Variants in CNIH3 observed in about 807,000 individuals in gnomAD.
CNIH3 encodes protein cornichon homolog 3.
CNIH3 carries 14 observed loss-of-function variants against 24.1 expected under a neutral mutation model. The observed-to-expected ratio is 0.58, with a 90% CI of 0.38 to 0.91. The LOEUF is 0.91. CNIH3 is among the 40% of genes least tolerant of loss of function. CNIH3 has a pLI of 0.00. For missense variants in CNIH3, 178 were observed against 196.8 expected, an observed-to-expected ratio of 0.90 and a Z score of 0.57; for synonymous variants, 68 against 73.8, an observed-to-expected ratio of 0.92 and a Z score of 0.40.
intron 4 of CNIH3, among the ~76,000 whole-genome samples, chr1:224,566,703 AT>A (rs1456805070): frequency 6.6e-6 from 1 of 152,082 alleles, no homozygotes; most frequent in Non-Finnish European, 1.5e-5. Context: ...TGAACTCATC[AT>A]TTTTTATGGC....
chr1:224,657,441 C>T (rs1438451024), intron 1 of CNIH3, among the ~76,000 whole-genome samples: 4 of 151,110 alleles, frequency 2.6e-5, no homozygotes, highest in African/African-American at 9.8e-5. Flanking sequence ...GAGAAATATG[C>T]CTCACATTTT....
chr1:224,572,019 AAGTCAAGT>A (rs1680839460), intron 4 of CNIH3, among the ~76,000 whole-genome samples: 1 of 152,138 alleles, frequency 6.6e-6, no homozygotes, highest in Non-Finnish European at 1.5e-5. Flanking sequence ...TTAGTGGGGC[AAGTCAAGT>A]AGGTTACCTC....
intron 4 of CNIH3, among the ~76,000 whole-genome samples, chr1:224,733,562 G>A (rs1689441405): frequency 1.3e-5 from 2 of 152,166 alleles, no homozygotes; most frequent in South Asian, 2.1e-4. Context: ...CTGAGATTCC[G>A]GATCTGCGAG....
chr1:224,645,181 T>C (rs1684542623), intron 1 of CNIH3, among the ~76,000 whole-genome samples: 2 of 152,146 alleles, frequency 1.3e-5, no homozygotes, highest in South Asian at 4.1e-4. Context: ...ACCTTATGCC[T>C]CTCCCTACCG....
chr1:224,656,447 G>A (rs147633636), intron 1 of CNIH3, among the ~76,000 whole-genome samples: 3 of 152,274 alleles, frequency 2.0e-5, no homozygotes, highest in South Asian at 2.1e-4. Flanking sequence ...TCCCACATGC[G>A]AAAAGCTAGG....
chr1:224,576,350 T>C (rs1572509657), intron 4 of CNIH3, among the ~76,000 whole-genome samples: 1 of 152,202 alleles, frequency 6.6e-6, no homozygotes. Flanking sequence ...AAGAGTCAAA[T>C]AGTAAAAGCG....
rs1017155062 is a variant in CNIH3 at position 224,527,011 on chromosome 1, A to G, written n.343+5684A>G. 5.3e-5 allele frequency among the ~76,000 whole-genome samples: 8 copies of G among 152,278 alleles called. No individual in the cohort carries two copies. The South Asian group carries it at 1.2e-3, about 24-fold the overall frequency. ...CAGCCCCATGACCCAATCACCTCCC[A>G]TCAGGCCCGCCTCCAACATTGGGGA... On this transcript the variant is annotated intron_variant and non_coding_transcript_variant, in intron 2 of 2. Transcript: ENST00000470602.
intron 4 of CNIH3, among the ~76,000 whole-genome samples, chr1:224,572,602 T>C (rs1005553797): frequency 1.3e-5 from 2 of 151,554 alleles, no homozygotes; most frequent in Non-Finnish European, 1.5e-5. Context: ...TTATTGGAGA[T>C]TGATCCCTTG....
upstream of CNIH3, among the ~76,000 whole-genome samples, chr1:224,614,416 A>G (rs2125055907): frequency 6.6e-6 from 1 of 152,306 alleles, no homozygotes; most frequent in Non-Finnish European, 1.5e-5. Flanking sequence ...GTGCACACCT[A>G]TAATCCCAGC....
At chr1:224,554,507 A>G (rs926095660) in intron 3 of CNIH3, among the ~76,000 whole-genome samples, 6 of 152,194 alleles carry the variant, frequency 3.9e-5, no homozygotes, top group African/African-American at 1.4e-4. Flanking sequence ...ACACCTGCAG[A>G]CTTTTTTTCT....
chr1:224,502,315 A>G (rs1677708943), intron 1 of CNIH3, among the ~76,000 whole-genome samples: 1 of 152,204 alleles, frequency 6.6e-6, no homozygotes, highest in Non-Finnish European at 1.5e-5. Context: ...GTAGCTGGTC[A>G]GCAGAAGTAT....
rs1156935831 is a variant in CNIH3 at position 224,534,875 on chromosome 1, C to G, written n.344-2061C>G. 7.9e-5 allele frequency among the ~76,000 whole-genome samples: 12 copies of G among 152,172 alleles called. No individual in the cohort carries two copies. In the East Asian group the frequency reaches 1.2e-3, roughly 15 times the overall value. On this transcript the variant is annotated intron_variant and non_coding_transcript_variant, in intron 2 of 2. Coordinates refer to the CNIH3 transcript ENST00000470602. ...GAGGTTGGTCTGTTTTTCCTAAGTACCTCTTGCCAATCCCCCAGTGGCAGG... is the reference window on the plus strand; with the variant it reads ...GAGGTTGGTCTGTTTTTCCTAAGTAGCTCTTGCCAATCCCCCAGTGGCAGG...
intron 1 of CNIH3, among the ~76,000 whole-genome samples, chr1:224,625,534 C>T (rs1242825583): frequency 6.6e-5 from 10 of 152,146 alleles, no homozygotes; most frequent in Admixed American, 2.6e-4. Flanking sequence ...CCAGCCTGGG[C>T]GACAGAGCGA....
downstream of CNIH3, among the ~76,000 whole-genome samples, chr1:224,593,308 C>T (rs1681841577): frequency 6.6e-6 from 1 of 152,126 alleles, no homozygotes; most frequent in Admixed American, 6.5e-5. Flanking sequence ...GCATGTGGCA[C>T]CATGCCCAGC....
At chr1:224,648,293 C>G (rs1262636561) in intron 1 of CNIH3, among the ~76,000 whole-genome samples, 3 of 151,822 alleles carry the variant, frequency 2.0e-5, no homozygotes, top group Non-Finnish European at 4.4e-5. Context: ...TACCTGTAAT[C>G]CCAGCTACTA....
At chr1:224,524,860 G>T (rs1678784249) in intron 2 of CNIH3, among the ~76,000 whole-genome samples, 1 of 152,104 alleles carries the variant, frequency 6.6e-6, no homozygotes, top group African/African-American at 2.4e-5. Context: ...TCAGAGATAG[G>T]CAAGTGACTC....
chr1:224,565,492 G>C (rs977704610), intron 3 of CNIH3: 5 of 152,314 alleles, frequency 3.3e-5, no homozygotes, highest in African/African-American at 1.2e-4. Flanking sequence ...ACACCACCCT[G>C]CTTGCATTCT....
chr1:224,615,793 G>A (rs1682931415), upstream of CNIH3: 3 of 152,246 alleles, frequency 2.0e-5, no homozygotes, highest in Admixed American at 2.0e-4. Flanking sequence ...TGCAGGGTCT[G>A]GGAGCAGAGC....
chr1:224,723,300 T>TG (rs1688836525), intron 3 of CNIH3, among the ~76,000 whole-genome samples: 1 of 152,086 alleles, frequency 6.6e-6, no homozygotes, highest in African/African-American at 2.4e-5. Context: ...TCAGGAGCAA[T>TG]GGGCAGCAGG....
Sources: gnomAD v4.1 joint callset for allele counts (sites outside exome capture counted in the v4.1 genomes callset) on GRCh38, gnomAD v4.1.1 for gene constraint, MANE v1.5 for transcripts, NCBI Gene and HGNC (gene_info 2026-07-23, HGNC 2026-07-21) for gene names.